Variants in BUD31 observed in about 807,000 individuals in gnomAD.
BUD31 encodes protein BUD31 homolog.
BUD31 carries 9 observed loss-of-function variants against 17.9 expected under a neutral mutation model. That is an observed-to-expected ratio of 0.50 (90% CI 0.30 to 0.88). BUD31 has a LOEUF of 0.88. Among genes scored for constraint, BUD31 ranks in the 40% least tolerant of loss-of-function variants. The probability of loss-of-function intolerance (pLI) is 0.06; values close to 1 mark genes in which losing one functional copy is unlikely to be tolerated. For missense variants in BUD31, 148 were observed against 184.5 expected, an observed-to-expected ratio of 0.80 and a Z score of 1.15; for synonymous variants, 70 against 64.7, an observed-to-expected ratio of 1.08 and a Z score of -0.39.
At chr7:99,414,410 G>A (rs901685556) in intron 3 of BUD31, among the ~76,000 whole-genome samples, 4 of 151,864 alleles carry the variant, frequency 2.6e-5, no homozygotes, top group African/African-American at 7.3e-5. Context: ...AATGCCCGGC[G>A]GCTTATTCTG....
chr7:99,413,608 T>G (rs570486696), intron 3 of BUD31, among the ~76,000 whole-genome samples: 14 of 152,336 alleles, frequency 9.2e-5, no homozygotes, highest in South Asian at 2.1e-4. Flanking sequence ...GTTTTGTTTT[T>G]TTTTGAGACA....
chr7:99,414,122 A>G (rs1795292246), intron 3 of BUD31, among the ~76,000 whole-genome samples: 1 of 151,934 alleles, frequency 6.6e-6, no homozygotes, highest in Non-Finnish European at 1.5e-5. Flanking sequence ...TGTTTAAATT[A>G]CTTAGCTTAT....
chr7:99,419,085 G>T, intron 5 of BUD31: 1 of 426,098 alleles, frequency 2.3e-6, no homozygotes, highest in Non-Finnish European at 4.3e-6. Flanking sequence ...GGTCTGTCAT[G>T]CTCACTTAGC....
At position 99,411,273 on chromosome 7, in the gene BUD31, TAA is replaced by T. The variant is rs1795173316; in HGVS notation, c.94+91_94+92del. ...CAGGGGACAGGCATAAATGCAAATA[TAA>T]AAAGAGAGTGGTCTACTAACACTGA... On this transcript the variant is annotated intron_variant, in intron 3 of 5. Transcript: ENST00000222969. 4.6e-5 allele frequency: 46 copies of T among 1,009,194 alleles called. No individual in the cohort carries two copies. The South Asian group carries it at 6.4e-4, about 14-fold the overall frequency. 62.5% of individuals were successfully genotyped at this position (1,009,194 alleles called of 1,614,324 possible).
At chr7:99,412,301 G>C (rs560756636) in intron 3 of BUD31, among the ~76,000 whole-genome samples, 1 of 152,212 alleles carries the variant, frequency 6.6e-6, no homozygotes, top group Non-Finnish European at 1.5e-5. Flanking sequence ...TGGAATAGAA[G>C]AGATTTTGCA....
At chr7:99,419,197 G>T in intron 5 of BUD31, 194 bp from the exon 6 acceptor site, 1 of 602,028 alleles carries the variant, frequency 1.7e-6, no homozygotes, top group South Asian at 2.0e-5. Flanking sequence ...TGTAACCTCG[G>T]TGTCAACAGC....
At chr7:99,419,125 C>A in intron 5 of BUD31, 1 of 534,634 alleles carries the variant, frequency 1.9e-6, no homozygotes, top group East Asian at 3.2e-5. Context: ...ACACCGATTT[C>A]TTTTTCTTGA....
At chr7:99,413,896 C>A (rs1186651215) in intron 3 of BUD31, among the ~76,000 whole-genome samples, 1 of 152,102 alleles carries the variant, frequency 6.6e-6, no homozygotes, top group Non-Finnish European at 1.5e-5. Context: ...CCAGCCGGGA[C>A]CAACCTTTTA....
chr7:99,409,769 C>CGGGGGGGGGGGGGGG (rs370621425), intron 1 of BUD31, among the ~76,000 whole-genome samples: 1 of 48,716 alleles, frequency 2.1e-5, no homozygotes, highest in Admixed American at 2.5e-4. Context: ...GCTCTGTGGG[C>CGGGGGGGGGGGGGGG]GGGGGGGGGG....
At chr7:99,416,053 A>G (rs886801499) in intron 3 of BUD31, 85 bp from the exon 4 acceptor site, 8 of 1,564,146 alleles carry the variant, frequency 5.1e-6, no homozygotes, top group Admixed American at 1.8e-5. Context: ...AGTGGTATTT[A>G]TTCATTATCA....
chr7:99,413,234 C>G (rs1392708850), intron 3 of BUD31, among the ~76,000 whole-genome samples: 1 of 152,086 alleles, frequency 6.6e-6, no homozygotes, highest in African/African-American at 2.4e-5. Flanking sequence ...GTCTTCTTGA[C>G]CACTCTTCGC....
chr7:99,410,695 A>G (rs184013191), intron 2 of BUD31, among the ~76,000 whole-genome samples: 2 of 152,354 alleles, frequency 1.3e-5, no homozygotes, highest in African/African-American at 4.8e-5. Flanking sequence ...TGTTCCCAAC[A>G]TCCAGTATAG....
intron 5 of BUD31, 137 bp downstream of exon 5, chr7:99,417,732 G>A: frequency 6.5e-7 from 1 of 1,536,576 alleles, no homozygotes; most frequent in Non-Finnish European, 8.7e-7. Flanking sequence ...TCCCTCGTGG[G>A]AGTGGGTCCC....
intron 2 of BUD31, 25 bp from the exon 3 acceptor site, chr7:99,411,039 A>C: frequency 6.6e-7 from 1 of 1,508,864 alleles, no homozygotes; most frequent in East Asian, 2.3e-5. Flanking sequence ...TGAGACTCAG[A>C]AACCAATTCA....
intron 3 of BUD31, among the ~76,000 whole-genome samples, chr7:99,414,187 T>C (rs1000819053): frequency 1.3e-5 from 2 of 152,048 alleles, no homozygotes; most frequent in African/African-American, 2.4e-5. Context: ...TTGCCCACGC[T>C]GGAGTGCAGT....
rs748657676 is a variant in BUD31, at chr7:99,417,536, C to T, written c.325C>T (p.Arg109Trp). ...GTGCTGCCTGCGGTGCATTCAGACA[C>T]GGGACACCAACTTCGGGACGAACTG... ...NLCCLRCIQTRDTNFGTNCIC... is the reference protein window; with the variant it reads ...NLCCLRCIQTWDTNFGTNCIC... Residue 109 changes from arginine (R) to tryptophan (W), a missense_variant, in exon 5 of 6, where the codon CGG becomes TGG. Arg to Trp is a moderately radical substitution (Grantham distance 101, BLOSUM62 -3). Coordinates refer to ENST00000222969, the MANE Select transcript of BUD31 (RefSeq NM_003910.4). 10 of 1,611,432 alleles carry T rather than the reference C, an allele frequency of 6.2e-6. No homozygotes were observed. The highest frequency in any genetic ancestry group is 2.7e-5 in the African/African-American group (2 of 74,894).
intron 2 of BUD31, 47 bp from the exon 3 acceptor site, chr7:99,411,017 C>G: frequency 7.8e-7 from 1 of 1,279,108 alleles, no homozygotes; most frequent in Non-Finnish European, 1.1e-6. Context: ...CTGGCAAAGG[C>G]CTTTGGGGAT....
chr7:99,417,327 A>T (rs1420280658), intron 4 of BUD31, 102 bp from the exon 5 acceptor site: 7 of 1,205,112 alleles, frequency 5.8e-6, no homozygotes, highest in Non-Finnish European at 8.5e-6. Context: ...TGCTGGGATT[A>T]CAGGTGTGAG....
Position 99,419,577 on chromosome 7 carries a change from C to A in BUD31, c.*136C>A. On this transcript the variant is annotated 3_prime_UTR_variant, in exon 6 of 6. Transcript: ENST00000222969. ...CTATGGGGAAGGCTTCGCTGTCTAT[C>A]AGCTGTGATTTGTAAAAATAAAATC... 1 of 981,584 alleles carries A rather than the reference C, an allele frequency of 1.0e-6. No individual in the cohort carries two copies. The highest frequency in any genetic ancestry group is 1.6e-5 in the African/African-American group (1 of 61,632). The allele number at this position is 981,584 out of a possible 1,614,324, so 60.8% of individuals were successfully genotyped here. A position where few individuals can be genotyped will look rare whatever the true frequency, so the allele number is the denominator to read the frequency against.
Sources: allele counts gnomAD v4.1 joint callset (sites outside exome capture counted in the v4.1 genomes callset), GRCh38; gene constraint gnomAD v4.1.1; transcripts MANE v1.5; gene names NCBI Gene and HGNC (gene_info 2026-07-23, HGNC 2026-07-21).